The following AGAP1 variants were observed in gnomAD, a reference collection of about 807,000 sequenced individuals.
The protein encoded by AGAP1 is arf-GAP with GTPase, ANK repeat and PH domain-containing protein 1.
A neutral mutation model predicts 105.3 loss-of-function variants in AGAP1; 29 were observed. That is an observed-to-expected ratio of 0.28 (90% CI 0.21 to 0.38). AGAP1 has a LOEUF of 0.38. Ranked by LOEUF, AGAP1 falls within the 10% of genes least tolerant of loss-of-function variation. The pLI is 1.00. For synonymous variants in AGAP1, 509 were observed against 485.9 expected (o/e 1.05, Z -0.63); for missense variants, 998 against 1,165.1 (o/e 0.86, Z 2.09).
At chr2:235,766,454 C>A (rs1429365857) in intron 6 of AGAP1, among the ~76,000 whole-genome samples, 2 of 152,134 alleles carry the variant, frequency 1.3e-5, no homozygotes, top group Non-Finnish European at 2.9e-5. Flanking sequence ...CTTTTGCTGT[C>A]ACCATGGAGA....
At chr2:235,607,792 G>A (rs1945996198) in intron 1 of AGAP1, among the ~76,000 whole-genome samples, 1 of 152,222 alleles carries the variant, frequency 6.6e-6, no homozygotes, top group Non-Finnish European at 1.5e-5. Flanking sequence ...TGCTGCGCTG[G>A]TGGGATGCTT....
intron 16 of AGAP1, among the ~76,000 whole-genome samples, chr2:236,075,800 A>G (rs969448394): frequency 6.6e-6 from 1 of 152,206 alleles, no homozygotes; most frequent in African/African-American, 2.4e-5. Flanking sequence ...CAGTGTCATC[A>G]AGATGCCGCC....
chr2:236,077,264 G>T (rs1390969168), intron 16 of AGAP1, among the ~76,000 whole-genome samples: 1 of 149,530 alleles, frequency 6.7e-6, no homozygotes, highest in Non-Finnish European at 1.5e-5. Flanking sequence ...AAGAATTTAA[G>T]AGCCTTTTTT....
rs1944019306 is a variant in AGAP1 at position 235,557,792 on chromosome 2, A to G, written c.163+62943A>G. Among the ~76,000 whole-genome samples, 1 of 152,152 alleles carries G rather than the reference A, an allele frequency of 6.6e-6. No homozygotes were observed. The highest frequency in any genetic ancestry group is 6.5e-5 in the Admixed American group (1 of 15,280). On this transcript the variant is annotated intron_variant, in intron 1 of 17. Coordinates refer to ENST00000304032, the MANE Select transcript of AGAP1 (RefSeq NM_001037131.3). This position sits in a 1 kb window ranked among gnomAD's most constrained non-coding sequence, Gnocchi z 4.7. ...GTACGTGCTGGGGTTGTGCCTTATGAAAACAACGGACTTGGCTACATTTCG... is the reference window on the plus strand; with the variant it reads ...GTACGTGCTGGGGTTGTGCCTTATGGAAACAACGGACTTGGCTACATTTCG...
intron 1 of AGAP1, among the ~76,000 whole-genome samples, chr2:235,562,544 T>C (rs531507061): frequency 9.4e-5 from 14 of 149,730 alleles, no homozygotes; most frequent in Admixed American, 2.7e-4. Flanking sequence ...GCTTCTCTCC[T>C]TTCCGCTGCC....
At chr2:235,818,161 G>A (rs1377960742) in intron 9 of AGAP1, among the ~76,000 whole-genome samples, 2 of 152,148 alleles carry the variant, frequency 1.3e-5, no homozygotes, top group Non-Finnish European at 2.9e-5. Flanking sequence ...AAGAATGCTG[G>A]CAGTTACATG....
intron 1 of AGAP1, among the ~76,000 whole-genome samples, chr2:235,520,509 CTTTTG>C (rs1159260249): frequency 6.6e-6 from 1 of 152,058 alleles, no homozygotes; most frequent in Non-Finnish European, 1.5e-5. Flanking sequence ...AGGTTTTTAG[CTTTTG>C]TTTGGTTTGG....
Position 235,524,520 on chromosome 2 carries a change from G to A in AGAP1, c.163+29671G>A, listed in dbSNP as rs748486339. 2.3e-5 allele frequency: 8 copies of A among 341,800 alleles called. 1 individual carries two copies. Among genetic ancestry groups the A allele is most frequent in the South Asian group, 1.9e-4 (8 of 41,532 alleles). 21.2% of individuals were successfully genotyped at this position (341,800 alleles called of 1,614,324 possible). A position where few individuals can be genotyped will look rare whatever the true frequency, so the allele number is the denominator to read the frequency against. ...TTGCTGTGAGAAGACAGGCCACGGG[G>A]CTGCACCCAGCCCCCATGGGTAAGT... On this transcript the variant is annotated intron_variant, in intron 1 of 17. Coordinates refer to ENST00000304032, the MANE Select transcript of AGAP1 (RefSeq NM_001037131.3).
intron 11 of AGAP1, among the ~76,000 whole-genome samples, chr2:235,915,573 C>A (rs2051837324): frequency 6.6e-6 from 1 of 152,064 alleles, no homozygotes; most frequent in Non-Finnish European, 1.5e-5. Context: ...CCAGGGGAGA[C>A]TGAGGTGGGA....
At chr2:236,075,914 G>C (rs1203497543) in intron 16 of AGAP1, among the ~76,000 whole-genome samples, 11 of 152,214 alleles carry the variant, frequency 7.2e-5, no homozygotes, top group Admixed American at 7.2e-4. Flanking sequence ...AGTTCCATTA[G>C]AGCAAACCTC....
chr2:235,909,004 TA>T, intron 11 of AGAP1, 98 bp downstream of exon 11: 1 of 1,157,676 alleles, frequency 8.6e-7, no homozygotes, highest in Non-Finnish European at 1.2e-6. Context: ...GTGGAGACAG[TA>T]ACTATCACAT....
In AGAP1 at chr2:235,719,240, A is replaced by G. The variant is rs1362728858; in HGVS notation, c.310+1596A>G. 2.0e-5 allele frequency among the ~76,000 whole-genome samples: 3 copies of G among 152,196 alleles called. No individual in the cohort carries two copies. Among genetic ancestry groups the G allele is most frequent in the Non-Finnish European group, 4.4e-5 (3 of 68,040 alleles). On this transcript the variant is annotated intron_variant, in intron 3 of 17. Coordinates refer to ENST00000304032, the MANE Select transcript of AGAP1 (RefSeq NM_001037131.3). This position sits in a 1 kb window ranked among gnomAD's most constrained non-coding sequence, Gnocchi z 4.9. ...CTGGGGTTCAGGTGTCTGGTGGGGC[A>G]GCGCTGGAGGCCCTGGGTTTCTGGA...
chr2:236,106,711 C>T (rs1428364514), intron 16 of AGAP1, among the ~76,000 whole-genome samples: 1 of 152,170 alleles, frequency 6.6e-6, no homozygotes, highest in Admixed American at 6.5e-5. Flanking sequence ...GGCTCATTTT[C>T]CCACCTGCGT....
rs2149292310 is a variant in AGAP1, at chr2:235,633,757, TA to T, written c.164-75417del. Among the ~76,000 whole-genome samples, 1 of 152,256 alleles carries T rather than the reference TA, an allele frequency of 6.6e-6. No homozygotes were observed. Among genetic ancestry groups the T allele is most frequent in the African/African-American group, 2.4e-5 (1 of 41,562 alleles). On this transcript the variant is annotated intron_variant, in intron 1 of 17. Transcript: ENST00000304032. This position sits in a 1 kb window ranked among gnomAD's most constrained non-coding sequence, Gnocchi z 4.8. ...TTAATTACCTTATGACAGCTTTACC[TA>T]AAAAGATGGGGGAAGGTTACAGTAA...
intron 1 of AGAP1, among the ~76,000 whole-genome samples, chr2:235,565,666 T>C (rs532911721): frequency 4.5e-4 from 68 of 152,308 alleles, no homozygotes; most frequent in Non-Finnish European, 7.2e-4. Flanking sequence ...TAAAAGACTT[T>C]TTGTATTTTT....
intron 5 of AGAP1, among the ~76,000 whole-genome samples, chr2:235,745,129 G>A (rs191618624): frequency 2.8e-3 from 423 of 152,006 alleles, no homozygotes; most frequent in Non-Finnish European, 4.8e-3. Flanking sequence ...ATGTGTGTGT[G>A]TATATGTTTT....
rs1200970851 is a variant in AGAP1 at position 236,124,169 on chromosome 2, T to G, written c.*47T>G. The G allele has an allele frequency of 1.3e-6, 2 of 1,593,582 alleles. No homozygotes were observed. The highest frequency in any genetic ancestry group is 1.7e-6 in the Non-Finnish European group (2 of 1,165,634). Reference sequence around the variant, plus strand: ...TCGCCGCACCTGGGACGCGGCAGCCTCGCCGCATTCTCGCTCAGAAGTCGC... The same window carrying G: ...TCGCCGCACCTGGGACGCGGCAGCCGCGCCGCATTCTCGCTCAGAAGTCGC... On this transcript the variant is annotated 3_prime_UTR_variant, in exon 18 of 18. Transcript: ENST00000304032. This position sits in a 1 kb window ranked among gnomAD's most constrained non-coding sequence, Gnocchi z 5.1.
chr2:235,628,819 TTTTGTTTG>T (rs546747509), intron 1 of AGAP1, among the ~76,000 whole-genome samples: 1 of 151,978 alleles, frequency 6.6e-6, no homozygotes, highest in Admixed American at 6.6e-5. Flanking sequence ...ATCATTCTTT[TTTTGTTTG>T]TTTGTTTGTT....
At chr2:235,498,296 A>C (rs1331792536) in intron 1 of AGAP1, among the ~76,000 whole-genome samples, 2 of 151,958 alleles carry the variant, frequency 1.3e-5, no homozygotes, top group Non-Finnish European at 2.9e-5. Flanking sequence ...GTACATTGAG[A>C]GGTTTATTCC....
Sources: allele counts gnomAD v4.1 joint callset (sites outside exome capture counted in the v4.1 genomes callset), GRCh38; gene constraint gnomAD v4.1.1; non-coding constraint Gnocchi (gnomAD v3.1); transcripts MANE v1.5; gene names NCBI Gene and HGNC (gene_info 2026-07-23, HGNC 2026-07-21).